OPCML: variants seen among roughly 807,000 people sequenced by gnomAD.
OPCML encodes the protein opioid-binding protein/cell adhesion molecule.
In OPCML, 13 loss-of-function variants were observed where a neutral mutation model predicts 37.8. That is an observed-to-expected ratio of 0.34 (90% CI 0.22 to 0.55). OPCML has a LOEUF of 0.55. Among genes scored for constraint, OPCML ranks in the 20% least tolerant of loss-of-function variants. The pLI is 0.91. For synonymous variants in OPCML, 176 were observed against 168.8 expected, an observed-to-expected ratio of 1.04 and a Z score of -0.33; for missense variants, 341 against 435.6, an observed-to-expected ratio of 0.78 and a Z score of 1.93.
intron 1 of OPCML, among the ~76,000 whole-genome samples, chr11:133,524,061 A>AT (rs1948444139): frequency 6.6e-6 from 1 of 152,264 alleles, no homozygotes; most frequent in Non-Finnish European, 1.5e-5. Flanking sequence ...AGCAGGAACC[A>AT]TAACAATTTC....
At chr11:132,557,212 GT>G (rs1254371802) in intron 3 of OPCML, among the ~76,000 whole-genome samples, 2 of 152,152 alleles carry the variant, frequency 1.3e-5, no homozygotes, top group African/African-American at 4.8e-5. Context: ...GCCAGATTAT[GT>G]CCGTGGGAGC....
chr11:132,794,283 G>C (rs112758584), intron 2 of OPCML, among the ~76,000 whole-genome samples: 3 of 152,112 alleles, frequency 2.0e-5, no homozygotes. Context: ...CTCTCTTTAA[G>C]AATCTGTTTC....
At chr11:132,902,873 A>G (rs941197357) in intron 2 of OPCML, among the ~76,000 whole-genome samples, 1 of 152,136 alleles carries the variant, frequency 6.6e-6, no homozygotes, top group Non-Finnish European at 1.5e-5. Flanking sequence ...ATCTATTCTC[A>G]TAAAGGCAAC....
chr11:132,460,885 G>T (rs2096099286), intron 4 of OPCML, among the ~76,000 whole-genome samples: 1 of 152,172 alleles, frequency 6.6e-6, no homozygotes, highest in Admixed American at 6.5e-5. Context: ...TTTAAAAATT[G>T]CTTTGGAGTT....
At chr11:133,370,224 T>C (rs748617032) in intron 1 of OPCML, among the ~76,000 whole-genome samples, 6 of 152,104 alleles carry the variant, frequency 3.9e-5, no homozygotes, top group Non-Finnish European at 8.8e-5. Context: ...AAGCACTGCC[T>C]TCAGTATTCA....
intron 1 of OPCML, among the ~76,000 whole-genome samples, chr11:133,505,547 C>G (rs1439619186): frequency 6.6e-6 from 1 of 152,198 alleles, no homozygotes; most frequent in Non-Finnish European, 1.5e-5. Flanking sequence ...TTCTCTCCCC[C>G]ACACCATCTT....
chr11:132,736,726 C>A (rs555605110), intron 2 of OPCML, among the ~76,000 whole-genome samples: 2 of 152,194 alleles, frequency 1.3e-5, no homozygotes, highest in East Asian at 3.9e-4. Context: ...TGGTCAATGC[C>A]AAATTACCAA....
At chr11:132,910,057 A>G (rs1252610841) in intron 2 of OPCML, among the ~76,000 whole-genome samples, 1 of 152,242 alleles carries the variant, frequency 6.6e-6, no homozygotes, top group African/African-American at 2.4e-5. Flanking sequence ...AGAGATTTCC[A>G]TCGAGAGAGT....
At position 132,496,185 on chromosome 11, in the gene OPCML, C is replaced by T. The variant is rs558752445; in HGVS notation, c.505+32876G>A. On this transcript the variant is annotated intron_variant, in intron 4 of 7. Transcript: ENST00000524381. ...TCAGAGCCTCAGTCAAGTGCAAGAGCGTGACCAGGCTGTCCTCCCTCTCTA... is the reference window on the plus strand; with the variant it reads ...TCAGAGCCTCAGTCAAGTGCAAGAGTGTGACCAGGCTGTCCTCCCTCTCTA... Among the ~76,000 whole-genome samples, 5 of 152,238 alleles carry T rather than the reference C, an allele frequency of 3.3e-5. No homozygotes were observed. The East Asian group carries it at 5.8e-4, about 18-fold the overall frequency.
In OPCML at chr11:132,976,131, T is replaced by C. The variant is rs141022786; in HGVS notation, c.62-33121A>G. On this transcript the variant is annotated intron_variant, in intron 1 of 7. Transcript: ENST00000524381. ...ACATAAGGTGTTACTTATCTGGTCA[T>C]GATAGAGTGGATCGTTGGAGGTGTA... Among the ~76,000 whole-genome samples the C allele has an allele frequency of 1.2e-4, 19 of 152,334 alleles. No individual in the cohort carries two copies. The East Asian group carries it at 2.3e-3, about 19-fold the overall frequency.
intron 2 of OPCML, among the ~76,000 whole-genome samples, chr11:132,909,511 A>G (rs1944353598): frequency 6.6e-6 from 1 of 152,192 alleles, no homozygotes; most frequent in Non-Finnish European, 1.5e-5. Context: ...GCCAGGTGAG[A>G]TCACCAGCCC....
At chr11:133,036,760 A>T (rs1947790844) in intron 1 of OPCML, among the ~76,000 whole-genome samples, 1 of 152,272 alleles carries the variant, frequency 6.6e-6, no homozygotes, top group Non-Finnish European at 1.5e-5. Flanking sequence ...TCAGGACTAC[A>T]TTCTGCATTC....
At chr11:133,507,464 G>T (rs1948059503) in intron 1 of OPCML, among the ~76,000 whole-genome samples, 1 of 152,236 alleles carries the variant, frequency 6.6e-6, no homozygotes, top group Non-Finnish European at 1.5e-5. Context: ...AGAAAGTCCA[G>T]TGGCCACACA....
chr11:133,306,845 A>C (rs1942931617), intron 1 of OPCML, among the ~76,000 whole-genome samples: 1 of 152,168 alleles, frequency 6.6e-6, no homozygotes, highest in African/African-American at 2.4e-5. Flanking sequence ...CCAGAATCTG[A>C]TTCTGTTTCT....
At chr11:132,591,286 C>G (rs2096484065) in intron 3 of OPCML, among the ~76,000 whole-genome samples, 1 of 152,182 alleles carries the variant, frequency 6.6e-6, no homozygotes, top group Non-Finnish European at 1.5e-5. Context: ...GCAGGTGGCT[C>G]TTAATCCCAA....
intron 1 of OPCML, among the ~76,000 whole-genome samples, chr11:133,444,503 T>C (rs1946430546): frequency 1.3e-5 from 2 of 152,102 alleles, no homozygotes; most frequent in Admixed American, 6.5e-5. Context: ...TAGAAGAAGA[T>C]TGCTAAATCA....
At chr11:132,921,886 C>A (rs988098883) in intron 2 of OPCML, among the ~76,000 whole-genome samples, 1 of 151,784 alleles carries the variant, frequency 6.6e-6, no homozygotes, top group Non-Finnish European at 1.5e-5. Flanking sequence ...ATAAATTTTA[C>A]CTTTTTTTTT....
At position 133,114,228 on chromosome 11, in the gene OPCML, G is replaced by A. The variant is rs573444098; in HGVS notation, c.62-171218C>T. On this transcript the variant is annotated intron_variant, in intron 1 of 7. Transcript: ENST00000524381. The stretch of plus-strand genomic sequence containing the variant: ...CTGCTCGCTCTGCTGCTGTGGAAAA[G>A]GCACCCACAGCCAGACTCCCAGCCT... Among the ~76,000 whole-genome samples, 281 of 152,204 alleles carry A rather than the reference G, an allele frequency of 1.8e-3. 2 individuals are homozygous for A. Among genetic ancestry groups the A allele is most frequent in the Middle Eastern group, 0.01 (3 of 294 alleles).
chr11:133,460,299 A>G (rs529675797), intron 1 of OPCML, among the ~76,000 whole-genome samples: 51 of 152,054 alleles, frequency 3.4e-4, no homozygotes, highest in African/African-American at 1.2e-3. Flanking sequence ...GCCTAACTTT[A>G]TATTTTTGGA....
Sources: gnomAD v4.1 joint callset for allele counts (sites outside exome capture counted in the v4.1 genomes callset) on GRCh38, gnomAD v4.1.1 for gene constraint, MANE v1.5 for transcripts, NCBI Gene and HGNC (gene_info 2026-07-23, HGNC 2026-07-21) for gene names.